The following WDR7 variants were observed in gnomAD, a reference collection of about 807,000 sequenced individuals.
The protein encoded by WDR7 is WD repeat domain 7, also known as WD repeat-containing protein 7.
A neutral mutation model predicts 169.4 loss-of-function variants in WDR7; 46 were observed. That is an observed-to-expected ratio of 0.27 (90% CI 0.21 to 0.35). The LOEUF is 0.35. Among genes scored for constraint, WDR7 ranks in the 10% least tolerant of loss-of-function variants. The pLI, the probability that WDR7 is intolerant of heterozygous loss-of-function variation, is 1.00. For synonymous variants in WDR7, 612 were observed against 666.8 expected, an observed-to-expected ratio of 0.92 and a Z score of 1.27; for missense variants, 1,534 against 1,859.3, an observed-to-expected ratio of 0.83 and a Z score of 3.22.
At chr18:56,785,740 T>C (rs1302397028) in intron 19 of WDR7, among the ~76,000 whole-genome samples, 1 of 152,162 alleles carries the variant, frequency 6.6e-6, no homozygotes, top group Non-Finnish European at 1.5e-5. Flanking sequence ...TTAGGTACAT[T>C]ATGCAATAAA....
intron 3 of WDR7, 120 bp downstream of exon 3, chr18:56,679,558 T>C: frequency 3.4e-6 from 2 of 584,070 alleles, no homozygotes; most frequent in East Asian, 5.9e-5. Flanking sequence ...ATGCTTTGTA[T>C]TGTCTAAATC....
chr18:56,979,118 T>C (rs1199203292), intron 26 of WDR7, among the ~76,000 whole-genome samples: 1 of 152,164 alleles, frequency 6.6e-6, no homozygotes, highest in Non-Finnish European at 1.5e-5. Context: ...ACCTATGATA[T>C]TGCCGCAAAC....
chr18:56,967,160 G>A (rs989078308), intron 26 of WDR7, among the ~76,000 whole-genome samples: 3 of 151,476 alleles, frequency 2.0e-5, no homozygotes, highest in Non-Finnish European at 4.4e-5. Context: ...AAGGCCAGGA[G>A]TTCAGCCTGC....
Position 56,977,535 on chromosome 18 carries a change from G to A in WDR7, c.4164+15006G>A, listed in dbSNP as rs139719517. 3.1e-3 allele frequency among the ~76,000 whole-genome samples: 479 copies of A among 152,336 alleles called. 1 individual carries two copies. The highest frequency in any genetic ancestry group is 0.014 in the Middle Eastern group (4 of 294). ...TCAGCTGATCTGTGTTCCTGCTTTA[G>A]AGTGAGCTGTTAAGCAGCTTGTAGA... On this transcript the variant is annotated intron_variant, in intron 26 of 27. Coordinates refer to ENST00000254442, the MANE Select transcript of WDR7 (RefSeq NM_015285.3).
At chr18:56,942,329 A>G (rs1162965415) in intron 25 of WDR7, among the ~76,000 whole-genome samples, 1 of 152,160 alleles carries the variant, frequency 6.6e-6, no homozygotes, top group East Asian at 1.9e-4. Context: ...TTAAGGATCT[A>G]AAGGCAACTA....
At chr18:56,663,874 A>C (rs1262951783) in intron 1 of WDR7, among the ~76,000 whole-genome samples, 2 of 152,122 alleles carry the variant, frequency 1.3e-5, no homozygotes, top group Non-Finnish European at 2.9e-5. Flanking sequence ...TTAAAAAAAA[A>C]CAACAACAAC....
At chr18:56,701,636 A>C (rs995001612) in intron 12 of WDR7, among the ~76,000 whole-genome samples, 3 of 152,220 alleles carry the variant, frequency 2.0e-5, no homozygotes, top group African/African-American at 7.2e-5. Flanking sequence ...TATTAGATAT[A>C]GGAGATGTAT....
At chr18:56,828,916 A>G (rs1183414041) in intron 20 of WDR7, among the ~76,000 whole-genome samples, 1 of 152,132 alleles carries the variant, frequency 6.6e-6, no homozygotes, top group East Asian at 1.9e-4. Context: ...CTAGTGATCC[A>G]GATAATCTTT....
At chr18:56,775,453 TTG>T (rs2044227674) in intron 16 of WDR7, among the ~76,000 whole-genome samples, 1 of 152,120 alleles carries the variant, frequency 6.6e-6, no homozygotes, top group Admixed American at 6.5e-5. Flanking sequence ...ATAGAAATAT[TTG>T]GGATTTCTTT....
chr18:56,972,691 A>G (rs1190076836), intron 26 of WDR7, among the ~76,000 whole-genome samples: 1 of 152,234 alleles, frequency 6.6e-6, no homozygotes, highest in African/African-American at 2.4e-5. Context: ...AAAAACTTCT[A>G]GGTAGAGAAA....
chr18:56,672,770 A>G (rs1396519382), intron 2 of WDR7, 96 bp downstream of exon 2: 3 of 1,215,318 alleles, frequency 2.5e-6, no homozygotes, highest in South Asian at 4.6e-5. Flanking sequence ...GGCCCACAGT[A>G]GATTTTCTGA....
chr18:56,961,133 A>C (rs1325619082), intron 25 of WDR7, among the ~76,000 whole-genome samples: 2 of 152,142 alleles, frequency 1.3e-5, no homozygotes, highest in African/African-American at 2.4e-5. Flanking sequence ...TTCCAGATTT[A>C]TGAAATATAT....
chr18:56,794,973 AT>A (rs2044558698), intron 19 of WDR7, among the ~76,000 whole-genome samples: 5 of 152,076 alleles, frequency 3.3e-5, no homozygotes, highest in Admixed American at 3.3e-4. Flanking sequence ...AAATTCTAAC[AT>A]TCCTTCCTCA....
intron 2 of WDR7, among the ~76,000 whole-genome samples, chr18:56,677,499 G>T (rs554697100): frequency 2.6e-5 from 4 of 152,160 alleles, no homozygotes; most frequent in Admixed American, 2.6e-4. Flanking sequence ...ACAGATGTGT[G>T]CCACCCCACC....
intron 20 of WDR7, among the ~76,000 whole-genome samples, chr18:56,822,549 C>T (rs944966173): frequency 1.3e-5 from 2 of 152,202 alleles, no homozygotes; most frequent in African/African-American, 4.8e-5. Context: ...AGAAACCAGA[C>T]GTTCTTTCCT....
At chr18:56,708,759 A>G (rs2026017913) in intron 12 of WDR7, among the ~76,000 whole-genome samples, 1 of 152,078 alleles carries the variant, frequency 6.6e-6, no homozygotes, top group Non-Finnish European at 1.5e-5. Flanking sequence ...GCATGGTGAA[A>G]CCCCGTGTTT....
chr18:56,931,290 G>A (rs150910631), intron 22 of WDR7, among the ~76,000 whole-genome samples: 223 of 152,294 alleles, frequency 1.5e-3, no homozygotes, highest in African/African-American at 5.1e-3. Context: ...TCAAACCTCT[G>A]ATAGTATGGT....
chr18:56,863,419 C>T (rs1336991752), intron 20 of WDR7, among the ~76,000 whole-genome samples: 1 of 151,538 alleles, frequency 6.6e-6, no homozygotes, highest in Non-Finnish European at 1.5e-5. Context: ...AGCACTTTGC[C>T]AGCACTGTTT....
intron 14 of WDR7, among the ~76,000 whole-genome samples, chr18:56,737,551 C>T (rs142443135): frequency 4.9e-4 from 74 of 152,230 alleles, no homozygotes; most frequent in African/African-American, 1.6e-3. Flanking sequence ...ACATTTCTCT[C>T]ATGTTGTCTA....
Sources: allele counts gnomAD v4.1 joint callset (sites outside exome capture counted in the v4.1 genomes callset), GRCh38; gene constraint gnomAD v4.1.1; transcripts MANE v1.5; gene names NCBI Gene and HGNC (gene_info 2026-07-23, HGNC 2026-07-21).